Variants in ZNF732 observed in about 807,000 individuals in gnomAD.
ZNF732 encodes zinc finger protein 732, also known as zinc finger protein LOC654254.
In ZNF732, 12 loss-of-function variants were observed where a neutral mutation model predicts 11.5. The ratio of observed to expected loss-of-function variants is 1.05; its 90% CI spans 0.67 to 1.70. The LOEUF is 1.70. ZNF732 is among the 40% of genes most tolerant of loss of function. The pLI is 0.00. For missense variants in ZNF732, 702 were observed against 676.9 expected (o/e 1.04, Z -0.41); for synonymous variants, 231 against 236.5 (o/e 0.98, Z 0.21).
At chr4:288,700 A>C (rs1719780985) in intron 3 of ZNF732, among the ~76,000 whole-genome samples, 2 of 152,180 alleles carry the variant, frequency 1.3e-5, no homozygotes, top group South Asian at 4.1e-4. Context: ...TTATTTTCTA[A>C]GATTGGGCCA....
intron 3 of ZNF732, among the ~76,000 whole-genome samples, chr4:276,858 A>AGG (rs782163287): frequency 6.6e-6 from 1 of 151,632 alleles, no homozygotes; most frequent in Admixed American, 6.6e-5. Context: ...AGTAATCCTA[A>AGG]GGGGGGGACA....
chr4:296,151 A>G lies in ZNF732; in HGVS notation c.8T>C (p.Leu3Pro), dbSNP rs782206083. Residue 3 changes from leucine (L) to proline (P), a missense_variant, in exon 2 of 4, where the codon CTC (leucine) becomes CCC (proline). This residue lies in a region of ZNF732 where 596 missense variants were observed against 557.9 expected (regional missense o/e 1.07). Transcript: ENST00000419098. ME[L>P]LTFRDVAIEF... ...TATGGCCACATCCCTGAATGTTAAG[A>G]GTTCCTGAAAATATATATGTATCAA... 1.2e-6 allele frequency: 2 copies of G among 1,610,588 alleles called. No homozygotes were observed. Among genetic ancestry groups the G allele is most frequent in the Middle Eastern group, 3.3e-4 (2 of 6,048 alleles).
intron 1 of ZNF732, among the ~76,000 whole-genome samples, chr4:297,130 T>C (rs1454641130): frequency 1.3e-5 from 2 of 152,042 alleles, no homozygotes; most frequent in African/African-American, 2.4e-5. Context: ...TAACCAGGCA[T>C]AGTGGCGTGC....
At chr4:298,460 C>T (rs1317428543) in intron 1 of ZNF732, among the ~76,000 whole-genome samples, 1 of 151,662 alleles carries the variant, frequency 6.6e-6, no homozygotes, top group Non-Finnish European at 1.5e-5. Flanking sequence ...TATTTGGGTA[C>T]AAACCAAGGA....
rs951635186 is a variant in ZNF732 at position 272,197 on chromosome 4, C to T, written c.660G>A (p.Glu220=). Residue 220 remains glutamate (E), a synonymous_variant, in exon 4 of 4, where the codon GAG becomes GAA. Coordinates refer to ENST00000419098, the MANE Select transcript of ZNF732 (RefSeq NM_001137608.3). ...FNEYEIIHTG[E]KPFTCEECGN... is the part of the protein sequence containing the mutation. ...CACATTCTTCACATGTGAAGGGTTTCTCTCCAGTATGAATTATCTCATATT... is the reference window on the plus strand; with the variant it reads ...CACATTCTTCACATGTGAAGGGTTTTTCTCCAGTATGAATTATCTCATATT... The T allele has an allele frequency of 6.2e-7, 1 of 1,613,182 alleles. No homozygotes were observed.
At chr4:298,813 C>T (rs960407568) in intron 1 of ZNF732, among the ~76,000 whole-genome samples, 4 of 152,146 alleles carry the variant, frequency 2.6e-5, no homozygotes, top group African/African-American at 7.2e-5. Flanking sequence ...TAAGAGTTTA[C>T]GGGGAGGCAT....
At chr4:277,351 A>G (rs1719519351) in intron 3 of ZNF732, among the ~76,000 whole-genome samples, 1 of 151,608 alleles carries the variant, frequency 6.6e-6, no homozygotes, top group African/African-American at 2.4e-5. Context: ...GTGAAGACGT[A>G]ATCTACACAA....
Position 271,213 on chromosome 4 carries a change from A to C in ZNF732, c.1644T>G (p.Tyr548Ter), listed in dbSNP as rs782080337. 6.4e-7 allele frequency: 1 copy of C among 1,556,614 alleles called. No individual in the cohort carries two copies. The highest frequency in any genetic ancestry group is 8.7e-7 in the Non-Finnish European group (1 of 1,149,568). The part of the protein sequence containing the change: ...AFRRSRVLNK[Y>*]KTIHTGDKTP... ...TTTTATCTCCAGTATGAATTGTCTT[A>C]TATTTATTCAGGACTCTGGAACGTC... is the stretch of plus-strand genomic sequence containing the variant. The change falls in exon 4 of 4, where the codon TAT becomes TAG. Residue 548 changes from tyrosine to a stop codon, truncating the protein, a stop_gained. Transcript: ENST00000419098. LOFTEE classifies it low-confidence loss of function (END_TRUNC).
intron 1 of ZNF732, among the ~76,000 whole-genome samples, chr4:297,612 A>T (rs1553842597): frequency 2.0e-5 from 3 of 150,072 alleles, no homozygotes; most frequent in African/African-American, 7.4e-5. Context: ...ATTTGTAAAA[A>T]AAAAAAAAAA....
chr4:283,868 C>A (rs1469873466), intron 3 of ZNF732, among the ~76,000 whole-genome samples: 1 of 152,146 alleles, frequency 6.6e-6, no homozygotes, highest in African/African-American at 2.4e-5. Context: ...ACAAACAAGT[C>A]TTTTCATTTT....
intron 1 of ZNF732, among the ~76,000 whole-genome samples, chr4:301,323 A>G (rs566074943): frequency 5.3e-5 from 8 of 152,314 alleles, no homozygotes; most frequent in Non-Finnish European, 5.9e-5. Context: ...TTCCTCAGGG[A>G]TCTAGAACTA....
chr4:295,785 T>C (rs575685432), intron 2 of ZNF732, among the ~76,000 whole-genome samples: 52 of 152,290 alleles, frequency 3.4e-4, no homozygotes, highest in Non-Finnish European at 6.2e-4. Context: ...ATTTATGTCA[T>C]TGAATTTCGA....
intron 3 of ZNF732, among the ~76,000 whole-genome samples, chr4:274,497 A>C (rs939352635): frequency 1.3e-5 from 2 of 151,700 alleles, no homozygotes; most frequent in African/African-American, 4.8e-5. Context: ...TAAAACAATA[A>C]GATGAGTAAG....
At position 305,436 on chromosome 4, in the gene ZNF732, C is replaced by G. The variant is rs994187212; in HGVS notation, c.-126G>C. Reference sequence around the variant, plus strand: ...CCTCCCTGAGGGGTGAAAGCACGGCCGTGGAGACCCTAACCGAGCTCACGC... The same window carrying G: ...CCTCCCTGAGGGGTGAAAGCACGGCGGTGGAGACCCTAACCGAGCTCACGC... On this transcript the variant is annotated 5_prime_UTR_variant, in exon 1 of 4. Coordinates refer to ENST00000419098, the MANE Select transcript of ZNF732 (RefSeq NM_001137608.3). 8.0e-6 allele frequency: 11 copies of G among 1,381,432 alleles called. No homozygotes were observed. The highest frequency in any genetic ancestry group is 2.0e-5 in the Admixed American group (1 of 50,174). 85.6% of individuals were successfully genotyped at this position (1,381,432 alleles called of 1,614,324 possible). A position where few individuals can be genotyped will look rare whatever the true frequency, so the allele number is the denominator to read the frequency against.
chr4:279,972 A>G (rs1262077375), intron 3 of ZNF732, among the ~76,000 whole-genome samples: 1 of 152,198 alleles, frequency 6.6e-6, no homozygotes, highest in Non-Finnish European at 1.5e-5. Context: ...AATTACACAT[A>G]TATTTTAAAT....
intron 3 of ZNF732, among the ~76,000 whole-genome samples, chr4:285,792 T>C (rs1292954877): frequency 1.3e-5 from 2 of 152,210 alleles, no homozygotes; most frequent in Non-Finnish European, 2.9e-5. Flanking sequence ...CAGGCTACAG[T>C]ACAGTGACAC....
Position 305,464 on chromosome 4 carries a change from G to C in ZNF732, c.-154C>G. 2 of 1,110,154 alleles carry C rather than the reference G, an allele frequency of 1.8e-6. No individual in the cohort carries two copies. The highest frequency in any genetic ancestry group is 2.5e-6 in the Non-Finnish European group (2 of 789,448). 68.8% of individuals were successfully genotyped at this position (1,110,154 alleles called of 1,614,324 possible). On this transcript the variant is annotated 5_prime_UTR_variant, in exon 1 of 4. Transcript: ENST00000419098. ...GGAGACCCTAACCGAGCTCACGCTGGCGCAAAAGGCAAAAGCCGCGCCAGA... is the reference window on the plus strand; with the variant it reads ...GGAGACCCTAACCGAGCTCACGCTGCCGCAAAAGGCAAAAGCCGCGCCAGA...
chr4:296,464 G>A (rs369836027), intron 1 of ZNF732, among the ~76,000 whole-genome samples: 3 of 151,998 alleles, frequency 2.0e-5, no homozygotes, highest in Non-Finnish European at 4.4e-5. Flanking sequence ...AATGCCTCAC[G>A]CTTGACCTTG....
chr4:278,078 G>A (rs980532187), intron 3 of ZNF732, among the ~76,000 whole-genome samples: 7 of 152,098 alleles, frequency 4.6e-5, no homozygotes, highest in Middle Eastern at 3.2e-3. Context: ...GCCACAACAG[G>A]AATGAACCTG....
Sources: allele counts gnomAD v4.1 joint callset (sites outside exome capture counted in the v4.1 genomes callset), GRCh38; gene constraint gnomAD v4.1.1; regional missense constraint gnomAD v4.1.1; transcripts MANE v1.5; gene names NCBI Gene and HGNC (gene_info 2026-07-23, HGNC 2026-07-21).